Variants in XKR9 observed in about 807,000 individuals in gnomAD.
The protein encoded by XKR9 is XK related 9.
In XKR9, 32 loss-of-function variants were observed where a neutral mutation model predicts 32.0. The observed-to-expected ratio is 1.00, with a 90% CI of 0.76 to 1.34. The LOEUF (loss-of-function observed/expected upper bound fraction) is 1.34, where lower values mean the gene tolerates loss of function less well. Among genes scored for constraint, XKR9 ranks in the 40% most tolerant of loss-of-function variants. The probability of loss-of-function intolerance (pLI) is 0.00; values close to 1 mark genes in which losing one functional copy is unlikely to be tolerated. For synonymous variants in XKR9, 168 were observed against 143.4 expected (o/e 1.17, Z -1.22); for missense variants, 546 against 429.7 (o/e 1.27, Z -2.39).
chr8:70,968,762 G>A, the XKR9 span, among the ~76,000 whole-genome samples: 1 of 152,146 alleles, frequency 6.6e-6, no homozygotes, highest in African/African-American at 2.4e-5. Flanking sequence ...TCCCGTACCT[G>A]GAGGTATCAG....
the XKR9 span, among the ~76,000 whole-genome samples, chr8:70,832,560 T>G: frequency 6.6e-6 from 1 of 152,168 alleles, no homozygotes; most frequent in African/African-American, 2.4e-5. Flanking sequence ...AGCAGGGTTT[T>G]CAACATAAAG....
chr8:70,851,509 A>T, the XKR9 span, among the ~76,000 whole-genome samples: 1 of 152,222 alleles, frequency 6.6e-6, no homozygotes, highest in East Asian at 1.9e-4. Context: ...AGCTGGAGAC[A>T]TCACACTCCC....
chr8:70,699,278 C>T (rs575038545), intron 3 of XKR9, among the ~76,000 whole-genome samples: 10 of 152,212 alleles, frequency 6.6e-5, no homozygotes, highest in African/African-American at 1.2e-4. Flanking sequence ...TTCCTAGCCT[C>T]GATGGTCTTT....
chr8:70,705,564 A>G (rs1805691270), intron 3 of XKR9, among the ~76,000 whole-genome samples: 1 of 152,132 alleles, frequency 6.6e-6, no homozygotes, highest in Non-Finnish European at 1.5e-5. Flanking sequence ...CCTTAAGTTG[A>G]GAAAAACAGC....
the XKR9 span, among the ~76,000 whole-genome samples, chr8:70,858,583 G>A: frequency 2.0e-5 from 3 of 152,098 alleles, no homozygotes; most frequent in African/African-American, 7.2e-5. Context: ...AATGCTGGAG[G>A]CATCACATTA....
At chr8:70,698,145 T>A (rs1446283108) in intron 3 of XKR9, among the ~76,000 whole-genome samples, 3 of 152,162 alleles carry the variant, frequency 2.0e-5, no homozygotes, top group Non-Finnish European at 4.4e-5. Context: ...GCTCCTGGAT[T>A]CATTAATTTT....
the XKR9 span, among the ~76,000 whole-genome samples, chr8:70,924,355 T>G: frequency 6.6e-6 from 1 of 152,206 alleles, no homozygotes; most frequent in South Asian, 2.1e-4. Flanking sequence ...TACCACAAGA[T>G]TTACTTCTTA....
the XKR9 span, among the ~76,000 whole-genome samples, chr8:70,875,211 A>G: frequency 6.6e-6 from 1 of 152,042 alleles, no homozygotes; most frequent in Non-Finnish European, 1.5e-5. Context: ...ACATATTTGG[A>G]TTTGCTCACT....
chr8:70,811,467 A>G, the XKR9 span, among the ~76,000 whole-genome samples: 4 of 152,238 alleles, frequency 2.6e-5, no homozygotes, highest in Non-Finnish European at 5.9e-5. Flanking sequence ...AAATAGAGAC[A>G]CAAAAAACCA....
intron 2 of XKR9, among the ~76,000 whole-genome samples, chr8:70,747,074 G>T (rs1050528599): frequency 1.3e-5 from 2 of 152,148 alleles, no homozygotes; most frequent in African/African-American, 4.8e-5. Context: ...CCATGGTTCT[G>T]CAGAGGACAT....
At chr8:70,848,712 T>C in the XKR9 span, among the ~76,000 whole-genome samples, 4 of 145,078 alleles carry the variant, frequency 2.8e-5, no homozygotes, top group Non-Finnish European at 4.5e-5. Context: ...CAAAGACACA[T>C]GTAGGCTCAA....
chr8:70,988,069 G>A, the XKR9 span, among the ~76,000 whole-genome samples: 8 of 152,120 alleles, frequency 5.3e-5, no homozygotes, highest in Admixed American at 1.3e-4. Context: ...TGAGGACCCT[G>A]GGCCTGGTCA....
chr8:70,983,233 G>A, the XKR9 span, among the ~76,000 whole-genome samples: 1 of 152,090 alleles, frequency 6.6e-6, no homozygotes, highest in African/African-American at 2.4e-5. Flanking sequence ...ACTAGTCCTT[G>A]TTCTTCCTCA....
At chr8:70,837,664 G>A in the XKR9 span, among the ~76,000 whole-genome samples, 12 of 152,128 alleles carry the variant, frequency 7.9e-5, no homozygotes, top group South Asian at 2.5e-3. Context: ...CCAAATCTTG[G>A]TCGTGCTGGT....
chr8:70,758,283 TCTCA>T lies in XKR9; in HGVS notation n.353-31052_353-31049del, dbSNP rs1280621419. Among the ~76,000 whole-genome samples, 3 of 151,322 alleles carry T rather than the reference TCTCA, an allele frequency of 2.0e-5. No homozygotes were observed. In the East Asian group the frequency reaches 5.8e-4, roughly 29 times the overall value. On this transcript the variant is annotated intron_variant and non_coding_transcript_variant, in intron 2 of 3. Coordinates refer to the XKR9 transcript ENST00000520273. ...TGACGGCAGCACCAGTAGGTCTCTCTCTCACTCTTACCCTGACCACACTTAGCTG... is the reference window on the plus strand; with the variant it reads ...TGACGGCAGCACCAGTAGGTCTCTCTCTCTTACCCTGACCACACTTAGCTG...
the XKR9 span, among the ~76,000 whole-genome samples, chr8:70,939,281 G>T: frequency 6.6e-6 from 1 of 152,068 alleles, no homozygotes; most frequent in Non-Finnish European, 1.5e-5. Context: ...GTATTTTTCG[G>T]CAGTGTGACT....
At chr8:70,814,967 C>A in the XKR9 span, among the ~76,000 whole-genome samples, 1 of 152,052 alleles carries the variant, frequency 6.6e-6, no homozygotes, top group Non-Finnish European at 1.5e-5. Flanking sequence ...AGTAGAGAAT[C>A]AAATCAAGAA....
At chr8:70,853,748 A>T in the XKR9 span, among the ~76,000 whole-genome samples, 1 of 151,936 alleles carries the variant, frequency 6.6e-6, no homozygotes, top group Non-Finnish European at 1.5e-5. Flanking sequence ...TCATTGTTCA[A>T]TTCCCACCTA....
At chr8:70,923,562 G>A in the XKR9 span, among the ~76,000 whole-genome samples, 1,472 of 152,294 alleles carry the variant, frequency 9.7e-3, 22 homozygotes, top group African/African-American at 0.034. Flanking sequence ...CCTAGCAAGG[G>A]GTTCACATGG....
Sources: gnomAD v4.1 joint callset for allele counts (sites outside exome capture counted in the v4.1 genomes callset) on GRCh38, gnomAD v4.1.1 for gene constraint, MANE v1.5 for transcripts, NCBI Gene and HGNC (gene_info 2026-07-23, HGNC 2026-07-21) for gene names.